PHF20: variants seen among roughly 807,000 people sequenced by gnomAD.
PHF20 encodes the protein PHD finger protein 20.
A neutral mutation model predicts 113.5 loss-of-function variants in PHF20; 23 were observed. That is an observed-to-expected ratio of 0.20 (90% CI 0.15 to 0.29). PHF20 has a LOEUF of 0.29. Among genes scored for constraint, PHF20 ranks in the 10% least tolerant of loss-of-function variants. PHF20 has a pLI of 1.00. For synonymous variants in PHF20, 434 were observed against 457.3 expected, an observed-to-expected ratio of 0.95 and a Z score of 0.65; for missense variants, 943 against 1,219.6, an observed-to-expected ratio of 0.77 and a Z score of 3.38.
chr20:35,862,893 G>GTGA (rs770402519), intron 5 of PHF20, 120 bp from the exon 6 acceptor site: 3 of 932,800 alleles, frequency 3.2e-6, no homozygotes, highest in Non-Finnish European at 4.9e-6. Context: ...CTTTGTATAT[G>GTGA]TGATCTGGCG....
At chr20:35,794,316 AG>A (rs1357424187) in intron 1 of PHF20, among the ~76,000 whole-genome samples, 2 of 151,226 alleles carry the variant, frequency 1.3e-5, no homozygotes, top group Non-Finnish European at 2.9e-5. Flanking sequence ...AAAAAAAAAA[AG>A]AAAAAAGAAA....
chr20:35,777,713 C>T (rs549323586), intron 1 of PHF20, among the ~76,000 whole-genome samples: 3 of 152,100 alleles, frequency 2.0e-5, no homozygotes, highest in African/African-American at 7.2e-5. Flanking sequence ...AGTCCCAGCT[C>T]CTTGGGAGGC....
chr20:35,857,339 T>C (rs1211437724), intron 4 of PHF20, among the ~76,000 whole-genome samples: 1 of 152,100 alleles, frequency 6.6e-6, no homozygotes, highest in Non-Finnish European at 1.5e-5. Context: ...GTTTCCAGCT[T>C]AAGGTTTTTA....
chr20:35,885,071 T>C (rs1249321014), intron 9 of PHF20, among the ~76,000 whole-genome samples: 1 of 152,170 alleles, frequency 6.6e-6, no homozygotes, highest in Non-Finnish European at 1.5e-5. Context: ...TGACCTCAAG[T>C]GATCTACCCA....
intron 2 of PHF20, among the ~76,000 whole-genome samples, chr20:35,818,450 G>A (rs1485598566): frequency 6.6e-6 from 1 of 152,094 alleles, no homozygotes; most frequent in Non-Finnish European, 1.5e-5. Flanking sequence ...TTGTAGAGGT[G>A]GGGTTTGCCA....
At chr20:35,913,972 A>T (rs2055354343) in intron 11 of PHF20, 61 bp from the exon 12 acceptor site, 1 of 1,517,958 alleles carries the variant, frequency 6.6e-7, no homozygotes, top group Non-Finnish European at 9.1e-7. Context: ...GATGAGATTG[A>T]TTCTAGAATG....
chr20:35,846,689 G>T (rs2042630499), intron 3 of PHF20, among the ~76,000 whole-genome samples: 1 of 152,100 alleles, frequency 6.6e-6, no homozygotes. Context: ...TGCTGGTTAG[G>T]GTGGAATTAT....
At chr20:35,793,764 G>C (rs1354954924) in intron 1 of PHF20, among the ~76,000 whole-genome samples, 1 of 151,308 alleles carries the variant, frequency 6.6e-6, no homozygotes, top group African/African-American at 2.4e-5. Context: ...TTGGGAGGCT[G>C]AGGTTGGTGG....
intron 4 of PHF20, among the ~76,000 whole-genome samples, chr20:35,857,583 T>TG (rs2042859570): frequency 6.9e-6 from 1 of 145,304 alleles, no homozygotes; most frequent in African/African-American, 2.6e-5. Flanking sequence ...TTTTTTTTTT[T>TG]TTTGTTTTTT....
rs374430374 is a variant in PHF20 at position 35,838,986 on chromosome 20, C to A, written c.84-3587C>A. Among the ~76,000 whole-genome samples the A allele has an allele frequency of 3.0e-4, 43 of 144,622 alleles. 1 individual carries two copies. In the Middle Eastern group the frequency reaches 0.019, roughly 65 times the overall value. 94.9% of individuals were successfully genotyped at this position (144,622 alleles called of 152,430 possible). On this transcript the variant is annotated intron_variant, in intron 2 of 17. Coordinates refer to ENST00000374012, the MANE Select transcript of PHF20 (RefSeq NM_016436.5). ...TCCAGCCTGGGAAACAGAGCGAGAC[C>A]CTGTCTCAAAAAAAAAAAAAAAAAG...
chr20:35,865,058 G>C (rs945435217), intron 6 of PHF20, among the ~76,000 whole-genome samples: 2 of 152,004 alleles, frequency 1.3e-5, no homozygotes, highest in African/African-American at 2.4e-5. Flanking sequence ...CAGGCTTGGT[G>C]GTGGGTGCCT....
intron 12 of PHF20, among the ~76,000 whole-genome samples, chr20:35,915,536 G>A (rs1212726218): frequency 6.6e-6 from 1 of 151,672 alleles, no homozygotes; most frequent in Non-Finnish European, 1.5e-5. Flanking sequence ...ACAGGTGTAC[G>A]CCACCACGCC....
rs2054250842 is a variant in PHF20, at chr20:35,863,234, C to G, written c.642C>G (p.Pro214=). Residue 214 remains proline (P), a synonymous_variant, in exon 6 of 18, where the codon CCC becomes CCG. Coordinates refer to ENST00000374012, the MANE Select transcript of PHF20 (RefSeq NM_016436.5). ...EKGKVSEKSL[P]KNEKEDKENI... ...GGAAAGTGTCAGAGAAAAGTCTTCC[C>G]AAGAACGAGAAGGAAGACAAGGAAA... is the stretch of plus-strand genomic sequence containing the variant. 4 of 1,614,042 alleles carry G rather than the reference C, an allele frequency of 2.5e-6. No individual in the cohort carries two copies. The highest frequency in any genetic ancestry group is 3.4e-6 in the Non-Finnish European group (4 of 1,179,986).
rs1194064896 is a variant in PHF20, at chr20:35,847,409, C to T, written c.315C>T (p.Ala105=). 1.2e-6 allele frequency: 2 copies of T among 1,611,634 alleles called. No individual in the cohort carries two copies. The highest frequency in any genetic ancestry group is 3.3e-5 in the Admixed American group (2 of 59,914). ...GGTCTGATTGTCGTTTTTACCCGGC[C>T]AAAGTCACTGCTGTTAACAAGGATG... ...ACWSDCRFYP[A]KVTAVNKDGT... The change falls in exon 4 of 18, where the codon GCC becomes GCT. Residue 105 remains alanine (A), a synonymous_variant. Transcript: ENST00000374012.
At chr20:35,843,455 G>A (rs141841650) in intron 3 of PHF20, among the ~76,000 whole-genome samples, 14,476 of 147,450 alleles carry the variant, frequency 0.098, 724 homozygotes, top group South Asian at 0.15. Context: ...GGAGGCGGAG[G>A]TTGCAGTGAG....
intron 13 of PHF20, among the ~76,000 whole-genome samples, chr20:35,926,256 G>A (rs1414280488): frequency 3.4e-5 from 1 of 29,718 alleles, no homozygotes; most frequent in Non-Finnish European, 6.8e-5. Flanking sequence ...TTTTTTTTTT[G>A]AGACGGAGTC....
Position 35,898,976 on chromosome 20 carries a change from T to C in PHF20, c.1283-394T>C, listed in dbSNP as rs140472909. Reference sequence around the variant, plus strand: ...GTTGGTCAGGCTGGTCATGAACTCCTGATCTCGAGTGATCCACCTGCCTTG... The same window carrying C: ...GTTGGTCAGGCTGGTCATGAACTCCCGATCTCGAGTGATCCACCTGCCTTG... On this transcript the variant is annotated intron_variant, in intron 9 of 17. Coordinates refer to ENST00000374012, the MANE Select transcript of PHF20 (RefSeq NM_016436.5). Among the ~76,000 whole-genome samples the C allele has an allele frequency of 5.7e-4, 87 of 152,296 alleles. No homozygotes were observed. The East Asian group carries it at 0.014, about 25-fold the overall frequency.
At chr20:35,789,302 GC>G (rs1341383419) in intron 1 of PHF20, among the ~76,000 whole-genome samples, 4 of 151,802 alleles carry the variant, frequency 2.6e-5, no homozygotes, top group African/African-American at 2.4e-5. Flanking sequence ...ATGGTGGCTT[GC>G]TCCTGTAATT....
At chr20:35,884,980 G>A (rs2054700556) in intron 9 of PHF20, among the ~76,000 whole-genome samples, 1 of 152,008 alleles carries the variant, frequency 6.6e-6, no homozygotes, top group Non-Finnish European at 1.5e-5. Flanking sequence ...ACAGGCACAC[G>A]CCACCACGCC....
Sources: gnomAD v4.1 joint callset for allele counts (sites outside exome capture counted in the v4.1 genomes callset) on GRCh38, gnomAD v4.1.1 for gene constraint, MANE v1.5 for transcripts, NCBI Gene and HGNC (gene_info 2026-07-23, HGNC 2026-07-21) for gene names.